SCP2: variants seen among roughly 807,000 people sequenced by gnomAD.
The protein encoded by SCP2 is sterol carrier protein 2.
Under a neutral mutation model 71.4 loss-of-function variants are expected in SCP2, and 48 were observed. The observed-to-expected ratio is 0.67, with a 90% CI of 0.53 to 0.86. The LOEUF is 0.86. Ranked by LOEUF, SCP2 falls within the 40% of genes least tolerant of loss-of-function variation. The pLI, the probability that SCP2 is intolerant of heterozygous loss-of-function variation, is 0.00. For missense variants in SCP2, 560 were observed against 655.6 expected, an observed-to-expected ratio of 0.85 and a Z score of 1.59; for synonymous variants, 220 against 218.1, an observed-to-expected ratio of 1.01 and a Z score of -0.08.
intron 6 of SCP2, among the ~76,000 whole-genome samples, chr1:52,973,994 A>G (rs1273474008): frequency 6.6e-6 from 1 of 152,172 alleles, no homozygotes; most frequent in African/African-American, 2.4e-5. Flanking sequence ...AATTATATGT[A>G]TGTCATTTTT....
intron 11 of SCP2, among the ~76,000 whole-genome samples, chr1:53,011,257 T>C (rs1660973385): frequency 6.6e-6 from 1 of 152,214 alleles, no homozygotes; most frequent in South Asian, 2.1e-4. Context: ...TACTTGGCTG[T>C]CTTGATAGTA....
chr1:52,931,732 T>G (rs1653167698), intron 1 of SCP2, among the ~76,000 whole-genome samples: 3 of 152,168 alleles, frequency 2.0e-5, no homozygotes, highest in African/African-American at 7.2e-5. Context: ...GTTTTAATTA[T>G]GAACAAATAG....
At chr1:52,986,643 C>G (rs1433755980) in intron 10 of SCP2, among the ~76,000 whole-genome samples, 1 of 152,184 alleles carries the variant, frequency 6.6e-6, no homozygotes, top group Non-Finnish European at 1.5e-5. Flanking sequence ...AGATCTCTTG[C>G]TGTTGCCTTG....
rs1005977610 is a variant in SCP2, at chr1:52,927,291, C to G, written c.-106C>G. 12 of 998,974 alleles carry G rather than the reference C, an allele frequency of 1.2e-5. No homozygotes were observed. The highest frequency in any genetic ancestry group is 3.0e-4 in the Middle Eastern group (1 of 3,336). The allele number at this position is 998,974 out of a possible 1,614,324, so 61.9% of individuals were successfully genotyped here. The stretch of plus-strand genomic sequence containing the variant: ...GCGCACTCTCACGCGCCTGTGTTGC[C>G]GCCCGCGGCCCTGGCTTCGGGCTTC... On this transcript the variant is annotated 5_prime_UTR_variant, in exon 1 of 16. Transcript: ENST00000371514.
rs369915033 is a variant in SCP2, at chr1:52,963,238, G to T, written c.523+1609G>T. ...TTATGTTCATATATTTATCATATGTGATTTTACTTGTTTAATTTTCATCTT... is the reference window on the plus strand; with the variant it reads ...TTATGTTCATATATTTATCATATGTTATTTTACTTGTTTAATTTTCATCTT... On this transcript the variant is annotated intron_variant, in intron 6 of 15. Transcript: ENST00000371514. 2.0e-5 allele frequency among the ~76,000 whole-genome samples: 3 copies of T among 152,066 alleles called. No individual in the cohort carries two copies. The South Asian group carries it at 6.2e-4, about 32-fold the overall frequency.
At chr1:53,012,203 G>T (rs1337013671) in intron 11 of SCP2, among the ~76,000 whole-genome samples, 1 of 152,218 alleles carries the variant, frequency 6.6e-6, no homozygotes, top group Non-Finnish European at 1.5e-5. Context: ...AAAGGGACCT[G>T]CCCCACGCCC....
In SCP2 at chr1:52,934,592, CTTTTTTTTTTTTTTTTTT is replaced by C. The variant is rs771433635; in HGVS notation, c.69+7148_69+7165del. 1.9e-3 allele frequency among the ~76,000 whole-genome samples: 55 copies of C among 29,054 alleles called. 1 individual carries two copies. The highest frequency in any genetic ancestry group is 0.018 in the East Asian group (21 of 1,138). The allele number at this position is 29,054 out of a possible 152,430, so 19.1% of individuals were successfully genotyped here. A position where few individuals can be genotyped will look rare whatever the true frequency, so the allele number is the denominator to read the frequency against. ...GTTTCAAATTCTACATTCCAGCTAA[CTTTTTTTTTTTTTTTTTT>C]TTTTTTTTTTTTTTTTTTTTGAGAC... On this transcript the variant is annotated intron_variant, in intron 1 of 15. Coordinates refer to ENST00000371514, the MANE Select transcript of SCP2 (RefSeq NM_002979.5).
At chr1:52,970,778 G>C (rs552923281) in intron 6 of SCP2, among the ~76,000 whole-genome samples, 32 of 151,600 alleles carry the variant, frequency 2.1e-4, no homozygotes, top group African/African-American at 7.7e-4. Context: ...GGTTTGTGTA[G>C]AAACGTGAGC....
chr1:52,981,594 G>A (rs1389920195), intron 10 of SCP2, among the ~76,000 whole-genome samples: 1 of 151,438 alleles, frequency 6.6e-6, no homozygotes, highest in Non-Finnish European at 1.5e-5. Context: ...ACCATGCCCA[G>A]CTAATTTTTG....
At chr1:52,932,500 C>T (rs746544719) in intron 1 of SCP2, among the ~76,000 whole-genome samples, 20 of 152,008 alleles carry the variant, frequency 1.3e-4, no homozygotes, top group Non-Finnish European at 2.8e-4. Context: ...AAAATGGCGG[C>T]GTAAACCAAG....
chr1:52,981,679 G>A (rs960436596), intron 10 of SCP2, among the ~76,000 whole-genome samples: 1 of 151,580 alleles, frequency 6.6e-6, no homozygotes, highest in African/African-American at 2.4e-5. Flanking sequence ...TGATCCACCC[G>A]CCTCAGCCTC....
intron 5 of SCP2, among the ~76,000 whole-genome samples, chr1:52,959,110 T>C (rs1409878431): frequency 6.6e-6 from 1 of 152,188 alleles, no homozygotes; most frequent in Non-Finnish European, 1.5e-5. Context: ...AGTTTATATG[T>C]AAATTGGTAT....
intron 10 of SCP2, among the ~76,000 whole-genome samples, chr1:52,981,005 C>T (rs1320624819): frequency 6.6e-6 from 1 of 152,106 alleles, no homozygotes; most frequent in Non-Finnish European, 1.5e-5. Context: ...AATCTCAGCT[C>T]AATGCAACCT....
chr1:53,021,024 TAGAC>T (rs1661680830), intron 12 of SCP2, among the ~76,000 whole-genome samples: 1 of 152,072 alleles, frequency 6.6e-6, no homozygotes, highest in South Asian at 2.1e-4. Context: ...CTTTTTTTTT[TAGAC>T]AGAGTCTCAC....
At chr1:52,942,697 T>G in intron 2 of SCP2, among the ~76,000 whole-genome samples, 1 of 133,214 alleles carries the variant, frequency 7.5e-6, no homozygotes, top group Admixed American at 7.1e-5. Flanking sequence ...TTAACAGGTT[T>G]TTTTTTTTTT....
chr1:53,037,926 A>C (rs1344459542), intron 13 of SCP2, among the ~76,000 whole-genome samples: 2 of 129,670 alleles, frequency 1.5e-5, no homozygotes, highest in Non-Finnish European at 3.4e-5. Context: ...ACACACACAC[A>C]CACAGATCCA....
intron 13 of SCP2, among the ~76,000 whole-genome samples, chr1:53,033,604 C>CAA (rs59576285): frequency 1.5e-4 from 12 of 79,654 alleles, no homozygotes; most frequent in Middle Eastern, 6.8e-3. Context: ...AACTCCATTT[C>CAA]AAAAAAAAAA....
In SCP2 at chr1:53,036,513, G is replaced by GTTA. The variant is rs367906293; in HGVS notation, c.1339-2400_1339-2398dup. 4.5e-3 allele frequency among the ~76,000 whole-genome samples: 672 copies of GTTA among 148,946 alleles called. 6 individuals are homozygous for GTTA. Among genetic ancestry groups the GTTA allele is most frequent in the African/African-American group, 0.016 (644 of 40,980 alleles). ...CTTGTACTTCTACAAACCTAGCCAA[G>GTTA]TTATTAGACCTTCTTGAATATATAT... On this transcript the variant is annotated intron_variant, in intron 13 of 15. Transcript: ENST00000371514.
rs773873578 is a variant in SCP2 at position 52,980,502 on chromosome 1, A to G, written c.932A>G (p.Asn311Ser). The G allele has an allele frequency of 6.2e-7, 1 of 1,614,038 alleles. No individual in the cohort carries two copies. Among genetic ancestry groups the G allele is most frequent in the Non-Finnish European group, 8.5e-7 (1 of 1,179,900 alleles). ...GAACTTCACGATTGCTTTTCTACCA[A>G]CGAACTCCTTACTTATGAAGCACTG... ...VIELHDCFST[N>S]ELLTYEALGL... The change falls in exon 10 of 16, where the codon AAC (asparagine) becomes AGC (serine). Residue 311 changes from asparagine to serine, a missense_variant. This residue lies in a region of SCP2 where 513 missense variants were observed against 573.1 expected (regional missense o/e 0.90). Coordinates refer to ENST00000371514, the MANE Select transcript of SCP2 (RefSeq NM_002979.5).
Sources: allele counts gnomAD v4.1 joint callset (sites outside exome capture counted in the v4.1 genomes callset), GRCh38; gene constraint gnomAD v4.1.1; regional missense constraint gnomAD v4.1.1; transcripts MANE v1.5; gene names NCBI Gene and HGNC (gene_info 2026-07-23, HGNC 2026-07-21).